The following CCDC83 variants were observed in gnomAD, a reference collection of about 807,000 sequenced individuals.
CCDC83 encodes coiled-coil domain-containing protein 83.
CCDC83 carries 54 observed loss-of-function variants against 50.1 expected under a neutral mutation model. The ratio of observed to expected loss-of-function variants is 1.08; its 90% CI spans 0.87 to 1.35. The LOEUF is 1.35. Among genes scored for constraint, CCDC83 ranks in the 40% most tolerant of loss-of-function variants. The pLI, the probability that CCDC83 is intolerant of heterozygous loss-of-function variation, is 0.00. For missense variants in CCDC83, 518 were observed against 473.9 expected (o/e 1.09, Z -0.86); for synonymous variants, 161 against 153.3 (o/e 1.05, Z -0.37).
chr11:85,891,021 G>C (rs1433044423), intron 5 of CCDC83, among the ~76,000 whole-genome samples: 2 of 152,108 alleles, frequency 1.3e-5, no homozygotes, highest in Non-Finnish European at 2.9e-5. Context: ...GGAAAGGGAA[G>C]ACTGAAGACA....
At chr11:85,912,558 AG>A in intron 8 of CCDC83, 1 of 766,898 alleles carries the variant, frequency 1.3e-6, no homozygotes, top group South Asian at 1.4e-5. Flanking sequence ...CAGTCTCTTG[AG>A]CTGATGCCCT....
intron 10 of CCDC83, among the ~76,000 whole-genome samples, chr11:85,917,167 A>AGAGAGAAG (rs1554986879): frequency 5.9e-4 from 51 of 86,952 alleles, no homozygotes; most frequent in African/African-American, 1.9e-3. Context: ...AGAGAGAGAG[A>AGAGAGAAG]GAAAGAAAGA....
chr11:85,886,892 A>G (rs761078137), intron 5 of CCDC83, among the ~76,000 whole-genome samples: 6 of 152,186 alleles, frequency 3.9e-5, no homozygotes, highest in Non-Finnish European at 7.3e-5. Context: ...AGCCTGGGTG[A>G]CAGAGCAGAC....
rs1447797086 is a variant in CCDC83, at chr11:85,904,834, T to G, written c.672+5819T>G. On this transcript the variant is annotated intron_variant, in intron 7 of 10. Transcript: ENST00000342404. ...TCTTTCCTTTTTCTTGCTCCCTATT[T>G]GACTGAGTATAGTGAGTCTAGGAAA... 5.9e-5 allele frequency among the ~76,000 whole-genome samples: 9 copies of G among 152,326 alleles called. No homozygotes were observed. In the South Asian group the frequency reaches 1.9e-3, roughly 32 times the overall value.
chr11:85,885,598 T>A (rs904092897), intron 4 of CCDC83, among the ~76,000 whole-genome samples: 2 of 152,254 alleles, frequency 1.3e-5, no homozygotes, highest in Non-Finnish European at 2.9e-5. Context: ...TAGTTCAGTA[T>A]TTGTACACAT....
Position 85,886,185 on chromosome 11 carries a change from C to T in CCDC83, c.344-15C>T, listed in dbSNP as rs377025412. The T allele has an allele frequency of 1.3e-6, 2 of 1,518,452 alleles. No individual in the cohort carries two copies. The allele number at this position is 1,518,452 out of a possible 1,614,324, so 94.1% of individuals were successfully genotyped here. A position where few individuals can be genotyped will look rare whatever the true frequency, so the allele number is the denominator to read the frequency against. ...AAGGAAAACAGAAATGACACAGTGT[C>T]TTTATTTTCAACAGATATGCGCATG... is the stretch of plus-strand genomic sequence containing the variant. On this transcript the variant is annotated splice_polypyrimidine_tract_variant and intron_variant, in intron 4 of 10. Transcript: ENST00000342404.
chr11:85,863,011 G>C (rs2093186406), intron 1 of CCDC83, among the ~76,000 whole-genome samples: 1 of 152,166 alleles, frequency 6.6e-6, no homozygotes, highest in South Asian at 2.1e-4. Flanking sequence ...ACATTAGTCA[G>C]AGAGTTAAAA....
chr11:85,883,671 A>G (rs2093312803), intron 4 of CCDC83, among the ~76,000 whole-genome samples: 1 of 152,124 alleles, frequency 6.6e-6, no homozygotes, highest in African/African-American at 2.4e-5. Flanking sequence ...CATAAATAAC[A>G]TCCCTGCTAG....
intron 5 of CCDC83, 69 bp downstream of exon 5, chr11:85,886,436 A>T: frequency 8.1e-7 from 1 of 1,240,110 alleles, no homozygotes; most frequent in Non-Finnish European, 1.1e-6. Flanking sequence ...TTGATGGAAG[A>T]AAAAAGTGCA....
chr11:85,876,225 T>C (rs995274689), intron 3 of CCDC83, among the ~76,000 whole-genome samples: 4 of 152,204 alleles, frequency 2.6e-5, no homozygotes, highest in African/African-American at 9.6e-5. Context: ...CACTCCTTTT[T>C]GGGGTCATCT....
At position 85,911,383 on chromosome 11, in the gene CCDC83, G is replaced by A. The variant is rs755537419; in HGVS notation, c.775G>A (p.Val259Met). The A allele has an allele frequency of 2.5e-6, 4 of 1,606,728 alleles. No homozygotes were observed. Residue 259 changes from valine to methionine, a missense_variant, in exon 8 of 11, where the codon GTG becomes ATG. Physicochemically the swap from Val to Met is conservative, Grantham distance 21. Coordinates refer to ENST00000342404, the MANE Select transcript of CCDC83 (RefSeq NM_001286159.2). ...TGATCAACTATCCAACTGTAGACTT[G>A]TGGATCTCAAGATACCCAGGTGAAA... ...LIDQLSNCRL[V>M]DLKIPRRLYL...
At chr11:85,914,313 T>C (rs1479095529) in intron 8 of CCDC83, among the ~76,000 whole-genome samples, 1 of 152,252 alleles carries the variant, frequency 6.6e-6, no homozygotes, top group Non-Finnish European at 1.5e-5. Context: ...AATTACTTCA[T>C]GCTGTCTTCA....
intron 10 of CCDC83, among the ~76,000 whole-genome samples, chr11:85,918,554 A>G (rs1024641071): frequency 6.6e-6 from 1 of 152,218 alleles, no homozygotes; most frequent in African/African-American, 2.4e-5. Flanking sequence ...GTTAGACTTC[A>G]AATTCTGTTT....
chr11:85,908,597 AGATAGATAGATAGACAGAT>A lies in CCDC83; in HGVS notation c.673-2683_673-2665del, dbSNP rs1292305169. Among the ~76,000 whole-genome samples, 39 of 137,004 alleles carry A rather than the reference AGATAGATAGATAGACAGAT, an allele frequency of 2.8e-4. No individual in the cohort carries two copies. In the South Asian group the frequency reaches 3.1e-3, roughly 11 times the overall value. The allele number at this position is 137,004 out of a possible 152,430, so 89.9% of individuals were successfully genotyped here. ...TAGATAGATAGATAGATAGATAGAT[AGATAGATAGATAGACAGAT>A]AGAATTCATGGCCGGGTGGCTCATG... On this transcript the variant is annotated intron_variant, in intron 7 of 10. Coordinates refer to ENST00000342404, the MANE Select transcript of CCDC83 (RefSeq NM_001286159.2).
intron 10 of CCDC83, among the ~76,000 whole-genome samples, chr11:85,917,326 C>T (rs1256985120): frequency 2.0e-5 from 3 of 152,058 alleles, no homozygotes; most frequent in African/African-American, 7.2e-5. Flanking sequence ...TTTTATATGG[C>T]TTAGCCTTGG....
At chr11:85,909,745 C>G (rs560441165) in intron 7 of CCDC83, among the ~76,000 whole-genome samples, 1 of 151,426 alleles carries the variant, frequency 6.6e-6, no homozygotes, top group East Asian at 1.9e-4. Context: ...GCCTCAGCCT[C>G]CCGACAAAAT....
intron 3 of CCDC83, among the ~76,000 whole-genome samples, chr11:85,875,602 A>G (rs945486977): frequency 1.3e-5 from 2 of 152,266 alleles, no homozygotes; most frequent in Non-Finnish European, 1.5e-5. Flanking sequence ...TTTAGACAGC[A>G]GCAATCCAGT....
At chr11:85,876,221 T>C (rs1248282532) in intron 3 of CCDC83, among the ~76,000 whole-genome samples, 2 of 152,198 alleles carry the variant, frequency 1.3e-5, no homozygotes, top group African/African-American at 4.8e-5. Flanking sequence ...CTCTCACTCC[T>C]TTTTGGGGTC....
In CCDC83 at chr11:85,865,331, G is replaced by T; in HGVS notation, c.95+113G>T. The T allele has an allele frequency of 4.2e-6, 3 of 712,246 alleles. No homozygotes were observed. In the South Asian group the frequency reaches 5.1e-5, roughly 12 times the overall value. The allele number at this position is 712,246 out of a possible 1,614,324, so 44.1% of individuals were successfully genotyped here. On this transcript the variant is annotated intron_variant, in intron 2 of 10. Coordinates refer to ENST00000342404, the MANE Select transcript of CCDC83 (RefSeq NM_001286159.2). ...ATGCAGCAGCTGCCAAAAGAATAGA[G>T]GTGGGTTTGGAGGCCTAATTGCACT... is the stretch of plus-strand genomic sequence containing the variant.
Sources: gnomAD v4.1 joint callset for allele counts (sites outside exome capture counted in the v4.1 genomes callset) on GRCh38, gnomAD v4.1.1 for gene constraint, MANE v1.5 for transcripts, NCBI Gene and HGNC (gene_info 2026-07-23, HGNC 2026-07-21) for gene names.